The following UBTD2 variants were observed in gnomAD, a reference collection of about 807,000 sequenced individuals.
UBTD2 encodes the protein ubiquitin domain-containing protein 2.
A neutral mutation model predicts 19.8 loss-of-function variants in UBTD2; 9 were observed. That is an observed-to-expected ratio of 0.46 (90% CI 0.27 to 0.79). UBTD2 has a LOEUF of 0.79. UBTD2 is among the 30% of genes least tolerant of loss of function. The pLI is 0.14. For missense variants in UBTD2, 250 were observed against 300.4 expected (o/e 0.83, Z 1.24); for synonymous variants, 98 against 103.9 (o/e 0.94, Z 0.35).
Position 172,283,599 on chromosome 5 carries a change from C to T in UBTD2, c.67G>A (p.Gly23Arg), listed in dbSNP as rs867197536. The change falls in exon 1 of 3, where the codon GGA becomes AGA. Residue 23 changes from glycine (G) to arginine (R), a missense_variant. Gly to Arg is a moderately radical substitution (Grantham distance 125, BLOSUM62 -2). Coordinates refer to ENST00000393792, the MANE Select transcript of UBTD2 (RefSeq NM_152277.3). The surrounding 1 kb of genome is among the most constrained non-coding windows in gnomAD (Gnocchi z 4.3). ...GSLNENSEGT[G>R]VALGRNQPLK... ...CTGCCCCCTGGCGCTCACCTACCTC[C>T]GGTGCCCTCCGAGTTCTCGTTGAGG... The T allele has an allele frequency of 7.6e-7, 1 of 1,308,328 alleles. No homozygotes were observed. Among genetic ancestry groups the T allele is most frequent in the Non-Finnish European group, 9.8e-7 (1 of 1,019,904 alleles). The allele number at this position is 1,308,328 out of a possible 1,614,324, so 81.0% of individuals were successfully genotyped here. A position where few individuals can be genotyped will look rare whatever the true frequency, so the allele number is the denominator to read the frequency against.
chr5:172,243,122 C>T (rs886212199), intron 1 of UBTD2, among the ~76,000 whole-genome samples: 1 of 138,068 alleles, frequency 7.2e-6, no homozygotes, highest in South Asian at 2.5e-4. Context: ...GCCACCATGA[C>T]TGGCCTTTTT....
intron 1 of UBTD2, among the ~76,000 whole-genome samples, chr5:172,270,428 G>A (rs900551265): frequency 1.4e-5 from 2 of 144,300 alleles, no homozygotes; most frequent in African/African-American, 2.6e-5. Context: ...TGCGATCTCG[G>A]CTCTTCAACC....
chr5:172,284,057 C>T (rs1454988586), upstream of UBTD2: 1 of 150,036 alleles, frequency 6.7e-6, no homozygotes, highest in African/African-American at 2.4e-5. Context: ...CCATCGGCCC[C>T]CGGCCCGCGG....
At chr5:172,233,418 T>C (rs1771943901) in intron 2 of UBTD2, among the ~76,000 whole-genome samples, 1 of 139,188 alleles carries the variant, frequency 7.2e-6, no homozygotes, top group Non-Finnish European at 1.6e-5. Flanking sequence ...TAAATCTCAA[T>C]GTAGCATGAA....
At chr5:172,264,404 G>C (rs1426725933) in intron 1 of UBTD2, among the ~76,000 whole-genome samples, 2 of 151,788 alleles carry the variant, frequency 1.3e-5, no homozygotes, top group Non-Finnish European at 2.9e-5. Context: ...AAAATAGCCA[G>C]GTGTGTGGCA....
intron 1 of UBTD2, among the ~76,000 whole-genome samples, chr5:172,262,767 A>G (rs913254781): frequency 1.3e-5 from 2 of 152,102 alleles, no homozygotes; most frequent in Non-Finnish European, 2.9e-5. Flanking sequence ...GTAGGCCAAG[A>G]TCACGCCACT....
rs144620664 is a variant in UBTD2 at position 172,263,478 on chromosome 5, T to G, written c.70+20118A>C. On this transcript the variant is annotated intron_variant, in intron 1 of 2. Transcript: ENST00000393792. ...CATATGTTATAAAGTTTAAATTGTA[T>G]GTTATATAAAGTTATATTTAAAAAC... Among the ~76,000 whole-genome samples the G allele has an allele frequency of 2.0e-5, 3 of 152,332 alleles. No individual in the cohort carries two copies. The East Asian group carries it at 5.8e-4, about 29-fold the overall frequency.
In UBTD2 at chr5:172,216,591, CAAAAAAAAAAAA is replaced by C. The variant is rs57657254; in HGVS notation, c.308-4376_308-4365del. Reference sequence around the variant, plus strand: ...AACATAGGGAAACCCCATCTCTACCCAAAAAAAAAAAAAAAAAAAAAAAAAAAAGCCAGAGGG... The same window carrying C: ...AACATAGGGAAACCCCATCTCTACCCAAAAAAAAAAAAAAAAGCCAGAGGG... On this transcript the variant is annotated intron_variant, in intron 2 of 2. Transcript: ENST00000393792. 3.3e-3 allele frequency among the ~76,000 whole-genome samples: 122 copies of C among 36,936 alleles called. 1 individual carries two copies. The East Asian group carries it at 0.065, about 20-fold the overall frequency. The allele number at this position is 36,936 out of a possible 152,430, so 24.2% of individuals were successfully genotyped here.
intron 2 of UBTD2, among the ~76,000 whole-genome samples, chr5:172,225,933 C>CTTTTTTTTT (rs57155195): frequency 8.4e-5 from 9 of 107,500 alleles, no homozygotes; most frequent in East Asian, 2.6e-4. Context: ...GGCTTAAACT[C>CTTTTTTTTT]TTTTTTTTTT....
At chr5:172,257,410 A>C (rs1486204326) in intron 1 of UBTD2, among the ~76,000 whole-genome samples, 2 of 152,180 alleles carry the variant, frequency 1.3e-5, no homozygotes, top group Non-Finnish European at 2.9e-5. Flanking sequence ...CGTCGATTCC[A>C]TGTCTTTGCT....
intron 1 of UBTD2, among the ~76,000 whole-genome samples, chr5:172,246,123 A>G (rs1297910503): frequency 2.0e-5 from 3 of 152,218 alleles, no homozygotes; most frequent in East Asian, 1.9e-4. Flanking sequence ...ACCATGTTCC[A>G]TGGTGGGGTG....
chr5:172,281,134 C>CA (rs1403426680), intron 1 of UBTD2, among the ~76,000 whole-genome samples: 1 of 152,066 alleles, frequency 6.6e-6, no homozygotes, highest in African/African-American at 2.4e-5. Context: ...TCCTGGGGCT[C>CA]AAGCAATCCT....
At chr5:172,242,119 C>T (rs140804318) in intron 1 of UBTD2, among the ~76,000 whole-genome samples, 2 of 152,276 alleles carry the variant, frequency 1.3e-5, no homozygotes, top group South Asian at 4.1e-4. Flanking sequence ...CCCCCTTTGC[C>T]TTCCGCCATG....
At chr5:172,259,093 G>A (rs891395343) in intron 1 of UBTD2, among the ~76,000 whole-genome samples, 1 of 152,046 alleles carries the variant, frequency 6.6e-6, no homozygotes, top group African/African-American at 2.4e-5. Flanking sequence ...GTCATAGACG[G>A]CTCTTATGAT....
intron 1 of UBTD2, among the ~76,000 whole-genome samples, chr5:172,243,897 G>A (rs1772183345): frequency 1.3e-5 from 2 of 152,004 alleles, no homozygotes; most frequent in African/African-American, 4.8e-5. Context: ...CGACCACAGA[G>A]TTATATGGCT....
chr5:172,270,685 T>C (rs1409685762), intron 1 of UBTD2, among the ~76,000 whole-genome samples: 9 of 152,132 alleles, frequency 5.9e-5, no homozygotes, highest in African/African-American at 2.2e-4. Flanking sequence ...ATTTGAATAC[T>C]TGCAGCACAC....
At chr5:172,236,550 C>T (rs1403263927) in intron 1 of UBTD2, among the ~76,000 whole-genome samples, 2 of 152,152 alleles carry the variant, frequency 1.3e-5, no homozygotes, top group African/African-American at 4.8e-5. Context: ...TGCACCAACA[C>T]GATGGAATGC....
intron 2 of UBTD2, among the ~76,000 whole-genome samples, chr5:172,225,785 G>A (rs1302022953): frequency 6.6e-6 from 1 of 152,038 alleles, no homozygotes; most frequent in Non-Finnish European, 1.5e-5. Context: ...TGGCAATCTG[G>A]TACAGAAAAC....
At chr5:172,220,415 C>A (rs978369817) in intron 2 of UBTD2, among the ~76,000 whole-genome samples, 9 of 152,184 alleles carry the variant, frequency 5.9e-5, no homozygotes, top group African/African-American at 2.2e-4. Flanking sequence ...ACGGGTGGAT[C>A]CCCTGAGGTG....
Sources: gnomAD v4.1 joint callset for allele counts (sites outside exome capture counted in the v4.1 genomes callset) on GRCh38, gnomAD v4.1.1 for gene constraint, Gnocchi (gnomAD v3.1) non-coding constraint, MANE v1.5 for transcripts, NCBI Gene and HGNC (gene_info 2026-07-23, HGNC 2026-07-21) for gene names.